Variants in CSTPP1 observed in about 807,000 individuals in gnomAD.
CSTPP1 encodes the protein centriolar satellite-associated tubulin polyglutamylase complex regulator 1.
the CSTPP1 span, among the ~76,000 whole-genome samples, chr11:47,035,339 G>C: frequency 6.6e-6 from 1 of 152,198 alleles, no homozygotes; most frequent in African/African-American, 2.4e-5. Context: ...GGGTCCGATA[G>C]TGTTATTTGA....
chr11:47,072,238 T>C, the CSTPP1 span, among the ~76,000 whole-genome samples: 3 of 152,232 alleles, frequency 2.0e-5, no homozygotes, highest in Non-Finnish European at 4.4e-5. Context: ...TTCCCTGTTC[T>C]GTTCTTTTCC....
chr11:47,017,576 G>A, the CSTPP1 span, among the ~76,000 whole-genome samples: 7 of 151,920 alleles, frequency 4.6e-5, no homozygotes, highest in Admixed American at 6.6e-5. Context: ...GTCTCCCAAC[G>A]CAAACCCCTG....
At chr11:47,074,352 C>A in the CSTPP1 span, among the ~76,000 whole-genome samples, 1 of 151,512 alleles carries the variant, frequency 6.6e-6, no homozygotes, top group Admixed American at 6.6e-5. Context: ...ATAAGAAAAA[C>A]TCACCAGGCA....
At chr11:46,988,876 A>T in the CSTPP1 span, among the ~76,000 whole-genome samples, 1 of 152,264 alleles carries the variant, frequency 6.6e-6, no homozygotes, top group Non-Finnish European at 1.5e-5. Context: ...TTAGAACTTA[A>T]AAAAATTTTT....
the CSTPP1 span, among the ~76,000 whole-genome samples, chr11:46,991,853 G>A: frequency 6.6e-6 from 1 of 152,048 alleles, no homozygotes; most frequent in Non-Finnish European, 1.5e-5. Flanking sequence ...AGATTCTCCC[G>A]CCTCAGCCTC....
chr11:47,107,897 G>C, the CSTPP1 span, among the ~76,000 whole-genome samples: 2 of 152,194 alleles, frequency 1.3e-5, no homozygotes, highest in African/African-American at 4.8e-5. Context: ...TGCACATGAG[G>C]AATCACTGTA....
the CSTPP1 span, chr11:47,052,480 C>A: frequency 1.2e-6 from 2 of 1,614,056 alleles, no homozygotes; most frequent in Non-Finnish European, 1.7e-6. Context: ...TTTTTACGGG[C>A]CTTCTGGAGA....
the CSTPP1 span, among the ~76,000 whole-genome samples, chr11:46,978,716 T>C: frequency 6.6e-6 from 1 of 152,222 alleles, no homozygotes; most frequent in African/African-American, 2.4e-5. Flanking sequence ...CTATATCCCA[T>C]AAACAGTATG....
chr11:47,025,657 G>A, the CSTPP1 span, among the ~76,000 whole-genome samples: 1 of 152,040 alleles, frequency 6.6e-6, no homozygotes, highest in Non-Finnish European at 1.5e-5. Flanking sequence ...ATCTAAGGGG[G>A]CCCATAAAAA....
At chr11:47,105,881 T>C in the CSTPP1 span, among the ~76,000 whole-genome samples, 60 of 152,366 alleles carry the variant, frequency 3.9e-4, no homozygotes, top group Non-Finnish European at 7.8e-4. Flanking sequence ...AGTAGTTCCC[T>C]GGAAGTAGAA....
the CSTPP1 span, among the ~76,000 whole-genome samples, chr11:46,965,944 T>C: frequency 6.6e-6 from 1 of 152,236 alleles, no homozygotes; most frequent in Non-Finnish European, 1.5e-5. Flanking sequence ...AAAATGGTGC[T>C]TCACTTAAGT....
the CSTPP1 span, among the ~76,000 whole-genome samples, chr11:47,021,469 C>T: frequency 2.0e-5 from 3 of 152,176 alleles, no homozygotes; most frequent in East Asian, 5.8e-4. Context: ...TCCATATCAA[C>T]TTGCTTACCC....
chr11:47,088,082 T>C, the CSTPP1 span, among the ~76,000 whole-genome samples: 50 of 152,348 alleles, frequency 3.3e-4, 1 homozygote, highest in African/African-American at 1.2e-3. Flanking sequence ...CCTTTATCAC[T>C]TGGCCTCTGA....
the CSTPP1 span, among the ~76,000 whole-genome samples, chr11:47,091,112 C>A: frequency 6.9e-6 from 1 of 145,706 alleles, no homozygotes; most frequent in Non-Finnish European, 1.5e-5. Context: ...CTAACATTGG[C>A]TGGGGGCGGT....
At chr11:47,064,740 TGTTTGTTTG>T in the CSTPP1 span, among the ~76,000 whole-genome samples, 5 of 152,226 alleles carry the variant, frequency 3.3e-5, no homozygotes, top group East Asian at 9.6e-4. Flanking sequence ...TTTGTTTGTT[TGTTTGTTTG>T]GTTTGTTTGT....
the CSTPP1 span, among the ~76,000 whole-genome samples, chr11:47,142,484 T>A: frequency 6.6e-6 from 1 of 152,074 alleles, no homozygotes; most frequent in Admixed American, 6.5e-5. Context: ...GATACAGTCA[T>A]GAATAAGATA....
chr11:47,162,285 G>A, the CSTPP1 span: 1 of 984,126 alleles, frequency 1.0e-6, no homozygotes, highest in Non-Finnish European at 1.2e-6. Context: ...GGGGAGAAGG[G>A]AGAGGGGGAG....
At chr11:47,077,196 G>GTT in the CSTPP1 span, among the ~76,000 whole-genome samples, 2 of 135,522 alleles carry the variant, frequency 1.5e-5, no homozygotes, top group Admixed American at 7.3e-5. Context: ...GGATAAAGTT[G>GTT]TTTTTTTTTT....
chr11:47,001,582 T>C, the CSTPP1 span, among the ~76,000 whole-genome samples: 1 of 152,226 alleles, frequency 6.6e-6, no homozygotes, highest in African/African-American at 2.4e-5. Flanking sequence ...GTTTGTTACA[T>C]AGGTAATAGT....
Sources: gnomAD v4.1 joint callset for allele counts (sites outside exome capture counted in the v4.1 genomes callset) on GRCh38, gnomAD v4.1.1 for gene constraint, MANE v1.5 for transcripts, NCBI Gene and HGNC (gene_info 2026-07-23, HGNC 2026-07-21) for gene names.